The following KLHL13 variants were observed in gnomAD, a reference collection of about 807,000 sequenced individuals.
KLHL13 encodes kelch-like protein 13.
KLHL13 carries 10 observed loss-of-function variants against 37.1 expected under a neutral mutation model. The observed-to-expected ratio is 0.27, with a 90% confidence interval of 0.17 to 0.46. KLHL13 has a LOEUF of 0.46. Among genes scored for constraint, KLHL13 ranks in the 20% least tolerant of loss-of-function variants. KLHL13 has a pLI of 1.00. For missense variants in KLHL13, 360 were observed against 509.3 expected, an observed-to-expected ratio of 0.71 and a Z score of 2.82; for synonymous variants, 163 against 181.2, an observed-to-expected ratio of 0.90 and a Z score of 0.81.
chrX:118,006,741 G>T (rs1487117117), intron 1 of KLHL13, among the ~76,000 whole-genome samples: 3 of 111,513 alleles, frequency 2.7e-5, no homozygotes, highest in African/African-American at 9.8e-5. Context: ...AAAGGAAGAA[G>T]AAAGAAACTG....
chrX:117,899,031 T>C (rs1043279195), exon 7 of KLHL13: 1 of 1,209,645 alleles, frequency 8.3e-7, no homozygotes. Context: ...CCTTATGCCA[T>C]TCATCTTTAT....
chrX:117,992,097 AG>A (rs1158405781), intron 1 of KLHL13, among the ~76,000 whole-genome samples: 5 of 110,275 alleles, frequency 4.5e-5, no homozygotes, highest in African/African-American at 1.6e-4. Flanking sequence ...TGTTGCCCTG[AG>A]GGAATGAGGC....
chrX:118,025,208 C>T (rs2054261358), intron 1 of KLHL13, among the ~76,000 whole-genome samples: 1 of 111,737 alleles, frequency 8.9e-6, no homozygotes, highest in African/African-American at 3.3e-5. Flanking sequence ...ATATTCCACC[C>T]TAGCCCAGAT....
rs978173244 is a variant in KLHL13, at chrX:118,107,256, C to T, written c.-56+9252G>A. Among the ~76,000 whole-genome samples the T allele has an allele frequency of 9.8e-5, 11 of 112,040 alleles. No individual in the cohort carries two copies. In the South Asian group the frequency reaches 4.1e-3, roughly 42 times the overall value. On this transcript the variant is annotated intron_variant, in intron 1 of 6. Coordinates refer to the KLHL13 transcript ENST00000371882. ...TTGGGCTAATTGTATTAAAAACTGA[C>T]ATTTTTCTTGGAATCAATGTGATGC...
At chrX:117,946,248 T>G (rs1213322249) in intron 1 of KLHL13, 1 of 112,174 alleles carries the variant, frequency 8.9e-6, no homozygotes, top group Non-Finnish European at 1.9e-5. Flanking sequence ...ACTTACCAGT[T>G]TGGGATTGTT....
At chrX:117,968,113 G>A (rs1225436999) in intron 1 of KLHL13, among the ~76,000 whole-genome samples, 1 of 111,936 alleles carries the variant, frequency 8.9e-6, no homozygotes, top group Non-Finnish European at 1.9e-5. Flanking sequence ...AGAGTGAAGG[G>A]TCTGAAAACC....
intron 1 of KLHL13, among the ~76,000 whole-genome samples, chrX:118,113,504 T>C (rs1034994467): frequency 7.1e-5 from 8 of 112,257 alleles, no homozygotes; most frequent in Non-Finnish European, 1.1e-4. Context: ...GCTTGCTTTC[T>C]GCTCTTCAAA....
At chrX:117,958,946 G>T (rs1394600946) in intron 1 of KLHL13, among the ~76,000 whole-genome samples, 1 of 110,952 alleles carries the variant, frequency 9.0e-6, no homozygotes, top group Non-Finnish European at 1.9e-5. Flanking sequence ...TATTTTAAAG[G>T]GTTATTTGTT....
At chrX:117,972,635 G>T in intron 1 of KLHL13, 1 of 652,330 alleles carries the variant, frequency 1.5e-6, no homozygotes, top group Non-Finnish European at 2.4e-6. Context: ...GTAGGTTTTT[G>T]GATGTTGCTG....
chrX:118,110,080 G>T (rs1363172719), intron 1 of KLHL13, among the ~76,000 whole-genome samples: 1 of 111,495 alleles, frequency 9.0e-6, no homozygotes, highest in East Asian at 2.8e-4. Context: ...TTTTAGTTTA[G>T]TTAGAAAGGA....
chrX:117,933,365 A>C (rs1243511459), intron 2 of KLHL13, among the ~76,000 whole-genome samples: 2 of 111,517 alleles, frequency 1.8e-5, no homozygotes, highest in Non-Finnish European at 3.8e-5. Context: ...CCATGTATTT[A>C]CAGCCAAGTG....
intron 1 of KLHL13, among the ~76,000 whole-genome samples, chrX:117,962,267 G>T (rs1386505785): frequency 9.3e-6 from 1 of 107,603 alleles, no homozygotes; most frequent in African/African-American, 3.4e-5. Context: ...TTCGTTTGCA[G>T]TAATTTGATA....
chrX:117,994,520 G>T (rs1346922689), intron 1 of KLHL13, among the ~76,000 whole-genome samples: 1 of 111,411 alleles, frequency 9.0e-6, no homozygotes, highest in Non-Finnish European at 1.9e-5. Context: ...CCAAAGTGCT[G>T]GGATTACAGG....
chrX:117,917,660 T>A (rs989322825), intron 4 of KLHL13, among the ~76,000 whole-genome samples: 3 of 111,930 alleles, frequency 2.7e-5, no homozygotes, highest in Non-Finnish European at 3.8e-5. Flanking sequence ...ATAACTTTTT[T>A]GTATTGTGTA....
chrX:118,029,858 C>T (rs1274573578), intron 1 of KLHL13, among the ~76,000 whole-genome samples: 1 of 110,389 alleles, frequency 9.1e-6, no homozygotes, highest in African/African-American at 3.3e-5. Context: ...GACCCAGCTA[C>T]TCAGAGGGCT....
chrX:117,949,322 T>C (rs1933472504), intron 1 of KLHL13, among the ~76,000 whole-genome samples: 1 of 109,122 alleles, frequency 9.2e-6, no homozygotes, highest in African/African-American at 3.4e-5. Flanking sequence ...ACAAATGTGG[T>C]TTTTTTTTAA....
chrX:118,062,818 G>A (rs2054755811), intron 1 of KLHL13, among the ~76,000 whole-genome samples: 1 of 111,008 alleles, frequency 9.0e-6, no homozygotes, highest in Non-Finnish European at 1.9e-5. Flanking sequence ...CACATATGGT[G>A]ACTTACAGAG....
chrX:118,052,664 A>G (rs181443809), intron 1 of KLHL13, among the ~76,000 whole-genome samples: 8 of 104,842 alleles, frequency 7.6e-5, no homozygotes, highest in East Asian at 5.9e-4. Context: ...CGTCTCTACT[A>G]AAAAAAAAAC....
At chrX:117,914,185 G>A (rs1172188304) in intron 4 of KLHL13, 3 of 103,024 alleles carry the variant, frequency 2.9e-5, no homozygotes, top group Non-Finnish European at 4.0e-5. Flanking sequence ...AAAGATTGGT[G>A]TTTTATACAA....
Sources: gnomAD v4.1 joint callset for allele counts (sites outside exome capture counted in the v4.1 genomes callset) on GRCh38, gnomAD v4.1.1 for gene constraint, MANE v1.5 for transcripts, NCBI Gene and HGNC (gene_info 2026-07-23, HGNC 2026-07-21) for gene names.